HPSE2: variants seen among roughly 807,000 people sequenced by gnomAD.
The protein encoded by HPSE2 is inactive heparanase-2.
In HPSE2, 38 loss-of-function variants were observed where a neutral mutation model predicts 60.5. The observed-to-expected ratio is 0.63, with a 90% confidence interval of 0.48 to 0.82. The LOEUF is 0.82. Ranked by LOEUF, HPSE2 falls within the 40% of genes least tolerant of loss-of-function variation. The pLI is 0.00. For missense variants in HPSE2, 713 were observed against 740.4 expected, an observed-to-expected ratio of 0.96 and a Z score of 0.43; for synonymous variants, 295 against 293.2, an observed-to-expected ratio of 1.01 and a Z score of -0.06.
At chr10:98,967,681 A>G (rs78800272) in intron 3 of HPSE2, among the ~76,000 whole-genome samples, 2 of 151,234 alleles carry the variant, frequency 1.3e-5, no homozygotes, top group African/African-American at 4.9e-5. Context: ...CTTAGTTTGG[A>G]AAAAAAAATA....
intron 9 of HPSE2, among the ~76,000 whole-genome samples, chr10:98,511,555 G>GGTGTGTGTGTGTGTGTGTGT (rs6144045): frequency 1.4e-5 from 2 of 140,734 alleles, no homozygotes; most frequent in East Asian, 2.1e-4. Context: ...ACATAACTAT[G>GGTGTGTGTGTGTGTGTGTGT]GTGTGTGTGT....
intron 4 of HPSE2, among the ~76,000 whole-genome samples, chr10:98,724,624 G>A (rs976538867): frequency 6.6e-6 from 1 of 152,104 alleles, no homozygotes; most frequent in Non-Finnish European, 1.5e-5. Context: ...GGTCACTAAG[G>A]ACTTGCTTTA....
chr10:98,663,910 C>G (rs1947290055), intron 6 of HPSE2, among the ~76,000 whole-genome samples: 1 of 152,174 alleles, frequency 6.6e-6, no homozygotes, highest in South Asian at 2.1e-4. Context: ...TCGGCTCCCA[C>G]TTCCAGCACG....
chr10:98,818,347 T>C (rs1319294568), intron 3 of HPSE2, among the ~76,000 whole-genome samples: 1 of 152,176 alleles, frequency 6.6e-6, no homozygotes, highest in Admixed American at 6.5e-5. Context: ...CGGTAGGCAT[T>C]AGATTCTCAT....
intron 5 of HPSE2, among the ~76,000 whole-genome samples, chr10:98,702,489 A>G (rs990207912): frequency 1.3e-5 from 2 of 150,734 alleles, no homozygotes; most frequent in Non-Finnish European, 3.0e-5. Context: ...ACTCTCCACC[A>G]CAAGTCAACC....
At chr10:99,064,506 C>G (rs141574973) in intron 3 of HPSE2, among the ~76,000 whole-genome samples, 1 of 152,030 alleles carries the variant, frequency 6.6e-6, no homozygotes, top group East Asian at 1.9e-4. Context: ...GCCCATTTCT[C>G]CCTCCTCTAT....
intron 2 of HPSE2, among the ~76,000 whole-genome samples, chr10:99,145,559 T>G (rs943432532): frequency 1.1e-4 from 16 of 151,932 alleles, no homozygotes; most frequent in Non-Finnish European, 1.6e-4. Flanking sequence ...ATAATTCAAC[T>G]GATTCTCATA....
chr10:98,881,483 T>C (rs1271299808), intron 3 of HPSE2, among the ~76,000 whole-genome samples: 1 of 152,034 alleles, frequency 6.6e-6, no homozygotes, highest in Non-Finnish European at 1.5e-5. Flanking sequence ...AGCTAAATGA[T>C]TGGTTACTTG....
At chr10:98,900,132 G>A (rs1377660701) in intron 3 of HPSE2, among the ~76,000 whole-genome samples, 1 of 152,124 alleles carries the variant, frequency 6.6e-6, no homozygotes, top group Non-Finnish European at 1.5e-5. Context: ...ACTTGTACAA[G>A]CATATTCATA....
intron 4 of HPSE2, among the ~76,000 whole-genome samples, chr10:98,732,464 T>C (rs1311203065): frequency 1.3e-5 from 2 of 152,038 alleles, no homozygotes; most frequent in East Asian, 1.9e-4. Context: ...GAATTAAGAG[T>C]ATAGAAACAA....
chr10:98,674,066 G>T lies in HPSE2; in HGVS notation c.1004+19834C>A, dbSNP rs561025461. ...AGGTCATGCGGATGCTGTTGGTCTG[G>T]ACCACACTTTAATACCAAGGTAGGA... is the stretch of plus-strand genomic sequence containing the variant. On this transcript the variant is annotated intron_variant, in intron 6 of 11. Transcript: ENST00000370552. Among the ~76,000 whole-genome samples, 5 of 152,248 alleles carry T rather than the reference G, an allele frequency of 3.3e-5. No homozygotes were observed. The East Asian group carries it at 9.7e-4, about 29-fold the overall frequency.
upstream of HPSE2, among the ~76,000 whole-genome samples, chr10:99,238,248 A>C (rs1849902952): frequency 6.6e-6 from 1 of 152,220 alleles, no homozygotes; most frequent in South Asian, 2.1e-4. Context: ...CAATTTGAAT[A>C]CGTATATCCA....
intron 4 of HPSE2, 45 bp downstream of exon 4, chr10:98,743,838 T>A: frequency 6.5e-7 from 1 of 1,548,150 alleles, no homozygotes; most frequent in South Asian, 1.1e-5. Flanking sequence ...AACTTATTTT[T>A]CCCCTTTATT....
In HPSE2 at chr10:99,159,117, A is replaced by G. The variant is rs142739906; in HGVS notation, c.449-14718T>C. Reference sequence around the variant, plus strand: ...TTCGCACTTACAAACTAGAAAAATAAGAAAATTTTAAACACGAAGCAAGCA... The same window carrying G: ...TTCGCACTTACAAACTAGAAAAATAGGAAAATTTTAAACACGAAGCAAGCA... On this transcript the variant is annotated intron_variant, in intron 2 of 11. Transcript: ENST00000370552. 3.1e-3 allele frequency among the ~76,000 whole-genome samples: 472 copies of G among 152,266 alleles called. 4 individuals carry two copies. The highest frequency in any genetic ancestry group is 4.7e-3 in the Non-Finnish European group (323 of 68,014).
At chr10:98,750,421 C>A (rs186366868) in intron 3 of HPSE2, among the ~76,000 whole-genome samples, 1 of 152,234 alleles carries the variant, frequency 6.6e-6, no homozygotes, top group African/African-American at 2.4e-5. Context: ...GAATATGACC[C>A]AACTCACACT....
intron 3 of HPSE2, among the ~76,000 whole-genome samples, chr10:98,979,904 G>A (rs1770464086): frequency 6.6e-6 from 1 of 152,150 alleles, no homozygotes; most frequent in Non-Finnish European, 1.5e-5. Context: ...GATAAAAAGG[G>A]TTATTCTAAA....
intron 3 of HPSE2, among the ~76,000 whole-genome samples, chr10:98,804,501 A>T (rs1353368367): frequency 3.9e-5 from 6 of 152,312 alleles, no homozygotes. Flanking sequence ...AAAATAAGAC[A>T]TACAAATGGC....
At chr10:99,150,887 A>T (rs976193349) in intron 2 of HPSE2, among the ~76,000 whole-genome samples, 52 of 152,232 alleles carry the variant, frequency 3.4e-4, no homozygotes, top group Non-Finnish European at 6.8e-4. Flanking sequence ...CCACAGAGAA[A>T]TCCATCAGCT....
chr10:98,527,820 C>G (rs1173884648), intron 9 of HPSE2, among the ~76,000 whole-genome samples: 1 of 152,188 alleles, frequency 6.6e-6, no homozygotes, highest in Non-Finnish European at 1.5e-5. Context: ...AAACCTGTCT[C>G]TCATCATGGG....
Sources: allele counts gnomAD v4.1 joint callset (sites outside exome capture counted in the v4.1 genomes callset), GRCh38; gene constraint gnomAD v4.1.1; transcripts MANE v1.5; gene names NCBI Gene and HGNC (gene_info 2026-07-23, HGNC 2026-07-21).